The following RNF43 variants were observed in gnomAD, a reference collection of about 807,000 sequenced individuals.
RNF43 encodes the protein E3 ubiquitin-protein ligase RNF43.
A neutral mutation model predicts 78.4 loss-of-function variants in RNF43; 37 were observed. The observed-to-expected ratio is 0.47, with a 90% CI of 0.36 to 0.62. The LOEUF (loss-of-function observed/expected upper bound fraction) is 0.62. Ranked by LOEUF, RNF43 falls within the 20% of genes least tolerant of loss-of-function variation. The pLI is 0.00. For missense variants in RNF43, 774 were observed against 1,007.9 expected (o/e 0.77, Z 3.14); for synonymous variants, 347 against 395.0 (o/e 0.88, Z 1.44).
rs147108393 is a variant in RNF43, at chr17:58,363,103, C to T, written c.582+172G>A. 1,600 of 721,074 alleles carry T rather than the reference C, an allele frequency of 2.2e-3. 17 individuals are homozygous for T. In the African/African-American group the frequency reaches 0.025, roughly 11 times the overall value. The allele number at this position is 721,074 out of a possible 1,614,324, so 44.7% of individuals were successfully genotyped here. A position where few individuals can be genotyped will look rare whatever the true frequency, so the allele number is the denominator to read the frequency against. ...TGATCTGTTCATTCTGTAGGTGAGG[C>T]CCAAAGACGGGGGAAAACTTGCCCA... On this transcript the variant is annotated intron_variant, in intron 5 of 9. Coordinates refer to ENST00000407977, the MANE Select transcript of RNF43 (RefSeq NM_017763.6).
intron 2 of RNF43, among the ~76,000 whole-genome samples, chr17:58,392,448 AC>A (rs1233209912): frequency 6.6e-6 from 1 of 152,234 alleles, no homozygotes. Context: ...TTTATTAAGT[AC>A]CTATTGACCT....
chr17:58,403,533 G>A (rs974247049), intron 2 of RNF43, among the ~76,000 whole-genome samples: 2 of 152,328 alleles, frequency 1.3e-5, no homozygotes, highest in Middle Eastern at 6.8e-3. Context: ...AGTTGCCTCT[G>A]CTGAAGGCCT....
At chr17:58,405,063 T>C (rs901709151) in intron 2 of RNF43, among the ~76,000 whole-genome samples, 3 of 148,088 alleles carry the variant, frequency 2.0e-5, no homozygotes, top group East Asian at 2.0e-4. Context: ...TGGGTTGTAG[T>C]ACTTCTTTTT....
chr17:58,370,795 C>A, intron 3 of RNF43, 116 bp downstream of exon 3: 1 of 1,220,560 alleles, frequency 8.2e-7, no homozygotes, highest in Non-Finnish European at 1.1e-6. Context: ...TAGGGAAACC[C>A]AAGGGAATCA....
rs2143415859 is a variant in RNF43, at chr17:58,358,450, G to A, written c.1326C>T (p.Asp442=). 1 of 1,614,008 alleles carries A rather than the reference G, an allele frequency of 6.2e-7. No homozygotes were observed. The highest frequency in any genetic ancestry group is 8.5e-7 in the Non-Finnish European group (1 of 1,179,962). Residue 442 remains aspartate (D), a synonymous_variant, in exon 9 of 10, where the codon GAC becomes GAT. Transcript: ENST00000407977. This position sits in a 1 kb window ranked among gnomAD's most constrained non-coding sequence, Gnocchi z 6.2. ...AATAGCTTTCTCCAGATCCACTGCT[G>A]TCAGGGGGCCTGGCCCGGCGTAGGG... is the stretch of plus-strand genomic sequence containing the variant. ...PVPLRRARPP[D]SSGSGESYCT...
intron 6 of RNF43, among the ~76,000 whole-genome samples, chr17:58,361,341 C>T (rs985740175): frequency 6.6e-6 from 1 of 152,212 alleles, no homozygotes; most frequent in African/African-American, 2.4e-5. Flanking sequence ...CTTAATTGCT[C>T]AGGCCAAAAA....
intron 2 of RNF43, among the ~76,000 whole-genome samples, chr17:58,371,575 A>T (rs1973098335): frequency 6.6e-6 from 1 of 152,108 alleles, no homozygotes; most frequent in Non-Finnish European, 1.5e-5. Flanking sequence ...GGGTCATCTC[A>T]CTCGGTGCTA....
chr17:58,413,176 T>G (rs1487341607), intron 2 of RNF43, among the ~76,000 whole-genome samples: 1 of 152,194 alleles, frequency 6.6e-6, no homozygotes, highest in East Asian at 1.9e-4. Flanking sequence ...ACAAACAGCA[T>G]GGATTCCAGA....
At chr17:58,367,025 C>T (rs1366162685) in intron 3 of RNF43, among the ~76,000 whole-genome samples, 6 of 143,686 alleles carry the variant, frequency 4.2e-5, no homozygotes, top group African/African-American at 1.6e-4. Context: ...GACGGAGTCT[C>T]GCTCTGTCAC....
chr17:58,400,647 T>C (rs867882732), intron 2 of RNF43, among the ~76,000 whole-genome samples: 1 of 152,322 alleles, frequency 6.6e-6, no homozygotes, highest in Middle Eastern at 3.4e-3. Context: ...AGCACTGAGA[T>C]TAAAATACAA....
chr17:58,382,637 C>T (rs2143567805), intron 2 of RNF43, among the ~76,000 whole-genome samples: 1 of 152,328 alleles, frequency 6.6e-6, no homozygotes, highest in East Asian at 1.9e-4. Flanking sequence ...TGTCTCCTCT[C>T]AGTATCAGTG....
Position 58,410,009 on chromosome 17 carries a change from C to A in RNF43, c.252+5317G>T, listed in dbSNP as rs1157787585. ...AAACCCAAGGAAGTACCTACCCCCC[C>A]AGCCCCGCCCCCCACCAACCGAGAG... On this transcript the variant is annotated intron_variant, in intron 2 of 9. Coordinates refer to ENST00000407977, the MANE Select transcript of RNF43 (RefSeq NM_017763.6). Among the ~76,000 whole-genome samples, 4 of 151,690 alleles carry A rather than the reference C, an allele frequency of 2.6e-5. No individual in the cohort carries two copies. The East Asian group carries it at 7.7e-4, about 29-fold the overall frequency.
chr17:58,411,619 G>A (rs1356779370), intron 2 of RNF43, among the ~76,000 whole-genome samples: 1 of 152,096 alleles, frequency 6.6e-6, no homozygotes, highest in Non-Finnish European at 1.5e-5. Flanking sequence ...CTTTATCCTG[G>A]AGTCTAAGAA....
At chr17:58,371,734 G>T (rs537832957) in intron 2 of RNF43, among the ~76,000 whole-genome samples, 2 of 152,318 alleles carry the variant, frequency 1.3e-5, no homozygotes, top group Admixed American at 6.5e-5. Flanking sequence ...CAGGAATGAT[G>T]CCGTGGAGGT....
intron 2 of RNF43, among the ~76,000 whole-genome samples, chr17:58,397,149 G>T (rs1045762522): frequency 6.6e-6 from 1 of 151,976 alleles, no homozygotes; most frequent in Non-Finnish European, 1.5e-5. Context: ...AAATGTATGT[G>T]TACAAGCAAA....
chr17:58,399,965 C>A (rs1324548584), intron 2 of RNF43, among the ~76,000 whole-genome samples: 1 of 152,018 alleles, frequency 6.6e-6, no homozygotes, highest in Non-Finnish European at 1.5e-5. Context: ...AAAAAATACT[C>A]TAAATTTTCA....
intron 2 of RNF43, among the ~76,000 whole-genome samples, chr17:58,374,746 C>T (rs1043349137): frequency 6.6e-6 from 1 of 152,140 alleles, no homozygotes; most frequent in African/African-American, 2.4e-5. Flanking sequence ...CCCATGGCTA[C>T]GGTGCCCACA....
At chr17:58,416,154 T>C (rs1251472125) in intron 1 of RNF43, 192 bp from the exon 2 acceptor site, 2 of 161,710 alleles carry the variant, frequency 1.2e-5, no homozygotes, top group South Asian at 2.0e-4. Flanking sequence ...GGAACAATAA[T>C]AAAAATTTCA....
At chr17:58,352,896 T>A (rs559905975), downstream of RNF43, 1 of 215,796 alleles carries the variant, frequency 4.6e-6, no homozygotes, top group Non-Finnish European at 9.3e-6. Context: ...CATTTCACCG[T>A]CTAGGAAGCG....
Sources: gnomAD v4.1 joint callset for allele counts (sites outside exome capture counted in the v4.1 genomes callset) on GRCh38, gnomAD v4.1.1 for gene constraint, Gnocchi (gnomAD v3.1) non-coding constraint, MANE v1.5 for transcripts, NCBI Gene and HGNC (gene_info 2026-07-23, HGNC 2026-07-21) for gene names.